SVOP: variants seen among roughly 807,000 people sequenced by gnomAD.
The protein encoded by SVOP is SV2 related protein, also known as synaptic vesicle 2-related protein.
A neutral mutation model predicts 69.1 loss-of-function variants in SVOP; 17 were observed. The observed-to-expected ratio is 0.25, with a 90% confidence interval of 0.17 to 0.37. The LOEUF (loss-of-function observed/expected upper bound fraction) is 0.37, where lower values mean the gene tolerates loss of function less well. SVOP is among the 10% of genes least tolerant of loss of function. The probability of loss-of-function intolerance (pLI) is 1.00; values close to 1 mark genes in which losing one functional copy is unlikely to be tolerated. For missense variants in SVOP, 435 were observed against 597.5 expected, an observed-to-expected ratio of 0.73 and a Z score of 2.84; for synonymous variants, 238 against 238.6, an observed-to-expected ratio of 1.00 and a Z score of 0.02.
At chr12:108,931,276 C>T (rs1478945846) in intron 11 of SVOP, among the ~76,000 whole-genome samples, 1 of 152,176 alleles carries the variant, frequency 6.6e-6, no homozygotes, top group Non-Finnish European at 1.5e-5. Flanking sequence ...ATTGGGCAAA[C>T]CCCGAACACA....
chr12:109,001,642 A>G (rs2135621656), intron 1 of SVOP, among the ~76,000 whole-genome samples: 1 of 141,460 alleles, frequency 7.1e-6, no homozygotes, highest in South Asian at 2.5e-4. Flanking sequence ...CAGAGCCCTC[A>G]GAAATAATGC....
chr12:109,012,504 C>T (rs930540400), intron 1 of SVOP, among the ~76,000 whole-genome samples: 27 of 152,114 alleles, frequency 1.8e-4, no homozygotes, highest in African/African-American at 6.5e-4. Flanking sequence ...ACAACATGTT[C>T]TACACCATAC....
intron 1 of SVOP, among the ~76,000 whole-genome samples, chr12:108,991,394 G>A (rs569575493): frequency 1.3e-5 from 2 of 152,198 alleles, no homozygotes; most frequent in South Asian, 4.2e-4. Context: ...GAGACCAGGA[G>A]TTTGAGACCA....
chr12:108,918,812 G>A (rs1276507284), intron 13 of SVOP, among the ~76,000 whole-genome samples: 1 of 152,120 alleles, frequency 6.6e-6, no homozygotes, highest in Non-Finnish European at 1.5e-5. Flanking sequence ...ATCTCATTGG[G>A]AGATGATATC....
intron 5 of SVOP, among the ~76,000 whole-genome samples, chr12:108,964,016 C>T (rs1462120142): frequency 6.6e-6 from 1 of 151,830 alleles, no homozygotes; most frequent in African/African-American, 2.4e-5. Flanking sequence ...TTTATTAGCC[C>T]CATGTTACAA....
At chr12:108,956,768 G>A (rs1009941923) in intron 6 of SVOP, among the ~76,000 whole-genome samples, 2 of 152,166 alleles carry the variant, frequency 1.3e-5, no homozygotes, top group African/African-American at 4.8e-5. Flanking sequence ...TAGAGTGAAG[G>A]AGATGTAGAA....
At chr12:109,020,099 T>A (rs572616721) in intron 1 of SVOP, among the ~76,000 whole-genome samples, 6 of 152,274 alleles carry the variant, frequency 3.9e-5, no homozygotes, top group African/African-American at 1.2e-4. Context: ...GAAAAATCTG[T>A]AAGCCCCTCT....
intron 1 of SVOP, among the ~76,000 whole-genome samples, chr12:108,984,628 T>C (rs1218900691): frequency 6.6e-6 from 1 of 152,220 alleles, no homozygotes; most frequent in African/African-American, 2.4e-5. Context: ...TGAGACCCCA[T>C]GGGCCCCACT....
intron 5 of SVOP, among the ~76,000 whole-genome samples, chr12:108,970,960 G>C (rs2040075330): frequency 6.6e-6 from 1 of 152,190 alleles, no homozygotes; most frequent in African/African-American, 2.4e-5. Context: ...CAAGGCTGCA[G>C]TTAGCTATGA....
chr12:108,983,258 A>G (rs971358508), intron 2 of SVOP, among the ~76,000 whole-genome samples: 3 of 149,160 alleles, frequency 2.0e-5, no homozygotes, highest in Non-Finnish European at 4.4e-5. Context: ...CATCCTCACC[A>G]TCATCATCAT....
At chr12:108,983,431 C>T (rs2040152793) in intron 2 of SVOP, among the ~76,000 whole-genome samples, 170 bp downstream of exon 2, 2 of 152,330 alleles carry the variant, frequency 1.3e-5, no homozygotes, top group South Asian at 4.1e-4. Flanking sequence ...TGTGATGTAA[C>T]CTTGCCTGCT....
chr12:108,941,494 C>T (rs1272464167), intron 7 of SVOP, among the ~76,000 whole-genome samples: 3 of 152,076 alleles, frequency 2.0e-5, no homozygotes, highest in Non-Finnish European at 4.4e-5. Flanking sequence ...AGCCACCAGA[C>T]CCAGCCTCAA....
intron 2 of SVOP, among the ~76,000 whole-genome samples, chr12:108,979,406 T>A (rs139989613): frequency 0.67 from 101,565 of 151,564 alleles, 34,530 homozygotes; most frequent in East Asian, 0.79. Flanking sequence ...TGCCCAGCTA[T>A]TTTTTTTCTA....
chr12:109,007,984 G>A (rs1431557538), intron 1 of SVOP, among the ~76,000 whole-genome samples: 1 of 152,060 alleles, frequency 6.6e-6, no homozygotes, highest in Non-Finnish European at 1.5e-5. Context: ...ACTGCAGTGA[G>A]CTATGATTGC....
At chr12:108,921,607 GGGTATTT>G (rs1190548747) in intron 12 of SVOP, among the ~76,000 whole-genome samples, 17 of 152,080 alleles carry the variant, frequency 1.1e-4, no homozygotes, top group African/African-American at 3.1e-4. Flanking sequence ...AAGGACGCTG[GGGTATTT>G]GTCCACCAAA....
chr12:109,004,015 G>A (rs1017028955), intron 1 of SVOP, among the ~76,000 whole-genome samples: 3 of 152,124 alleles, frequency 2.0e-5, no homozygotes, highest in African/African-American at 7.2e-5. Context: ...AAATAAAGAG[G>A]GACCTTTGAC....
intron 6 of SVOP, among the ~76,000 whole-genome samples, chr12:108,959,594 T>C (rs530943963): frequency 3.3e-5 from 5 of 152,258 alleles, no homozygotes; most frequent in Admixed American, 2.0e-4. Context: ...GCTCAAGTGA[T>C]CTATCCGTCT....
At chr12:108,961,691 A>C (rs976556208) in intron 5 of SVOP, among the ~76,000 whole-genome samples, 1 of 152,202 alleles carries the variant, frequency 6.6e-6, no homozygotes, top group African/African-American at 2.4e-5. Context: ...GTAAAGAAAA[A>C]CCATCAACAA....
At position 108,960,991 on chromosome 12, in the gene SVOP, C is replaced by T. The variant is rs1040819946; in HGVS notation, c.510G>A (p.Ala170=). The T allele has an allele frequency of 5.9e-6, 9 of 1,536,994 alleles. No homozygotes were observed. The highest frequency in any genetic ancestry group is 2.4e-5 in the South Asian group (2 of 84,056). Residue 170 remains alanine (A), a synonymous_variant, in exon 6 of 16, where the codon GCG becomes GCA. Transcript: ENST00000610966. ...GCACCAGGATCCAGCTATACACGGG[C>T]GCAAATGCACTAAGGATGCCATAGT... The part of the protein sequence containing the change: ...TLYYGILSAF[A]PVYSWILVLR...
Sources: gnomAD v4.1 joint callset for allele counts (sites outside exome capture counted in the v4.1 genomes callset) on GRCh38, gnomAD v4.1.1 for gene constraint, MANE v1.5 for transcripts, NCBI Gene and HGNC (gene_info 2026-07-23, HGNC 2026-07-21) for gene names.